MAF: variants seen among roughly 807,000 people sequenced by gnomAD.
MAF encodes the protein transcription factor Maf.
Under a neutral mutation model 22.0 loss-of-function variants are expected in MAF, and 10 were observed. The ratio of observed to expected loss-of-function variants is 0.45; its 90% CI spans 0.28 to 0.77. MAF has a LOEUF of 0.77. Among genes scored for constraint, MAF ranks in the 30% least tolerant of loss-of-function variants. The pLI, the probability that MAF is intolerant of heterozygous loss-of-function variation, is 0.12. For missense variants in MAF, 544 were observed against 548.4 expected, an observed-to-expected ratio of 0.99 and a Z score of 0.08; for synonymous variants, 337 against 255.8, an observed-to-expected ratio of 1.32 and a Z score of -3.03.
chr16:79,422,877 G>C, the MAF span, among the ~76,000 whole-genome samples: 2 of 152,168 alleles, frequency 1.3e-5, no homozygotes, highest in Admixed American at 6.5e-5. Context: ...TAAGGTCTCT[G>C]CTGTCATGGA....
chr16:79,393,866 C>T, the MAF span, among the ~76,000 whole-genome samples: 52 of 152,232 alleles, frequency 3.4e-4, no homozygotes, highest in African/African-American at 1.3e-3. Context: ...AAGAAGCAAA[C>T]AGAAGAAGGT....
At chr16:79,447,544 G>A in the MAF span, among the ~76,000 whole-genome samples, 7 of 152,116 alleles carry the variant, frequency 4.6e-5, no homozygotes, top group African/African-American at 1.4e-4. Flanking sequence ...GGCAATAGCT[G>A]CTATAAGTAG....
At chr16:79,245,532 G>A in the MAF span, among the ~76,000 whole-genome samples, 7 of 152,034 alleles carry the variant, frequency 4.6e-5, 1 homozygote, top group African/African-American at 1.2e-4. Flanking sequence ...AGTTAGAATG[G>A]CGATCATTAA....
At chr16:79,422,526 C>T in the MAF span, among the ~76,000 whole-genome samples, 1 of 152,112 alleles carries the variant, frequency 6.6e-6, no homozygotes, top group African/African-American at 2.4e-5. Flanking sequence ...GAGCCTCTTT[C>T]TCTTCATCTT....
At chr16:79,315,713 G>A in the MAF span, among the ~76,000 whole-genome samples, 2 of 152,208 alleles carry the variant, frequency 1.3e-5, no homozygotes, top group Non-Finnish European at 1.5e-5. Context: ...TACTCATATA[G>A]ATGAAGAAGG....
At chr16:79,523,734 T>C in the MAF span, among the ~76,000 whole-genome samples, 16,178 of 152,190 alleles carry the variant, frequency 0.11, 1,054 homozygotes, top group South Asian at 0.17. Context: ...GATGCAGAGA[T>C]TAAATAACTC....
chr16:79,386,061 C>A, the MAF span, among the ~76,000 whole-genome samples: 20 of 152,154 alleles, frequency 1.3e-4, no homozygotes, highest in Non-Finnish European at 2.6e-4. Context: ...AGAAAATAAT[C>A]AAGTAGATAA....
At chr16:79,528,530 T>C in the MAF span, among the ~76,000 whole-genome samples, 1 of 152,126 alleles carries the variant, frequency 6.6e-6, no homozygotes, top group Non-Finnish European at 1.5e-5. Flanking sequence ...AGATTCAGCA[T>C]GAAGGATCTT....
At chr16:79,562,107 C>T in the MAF span, among the ~76,000 whole-genome samples, 1 of 152,150 alleles carries the variant, frequency 6.6e-6, no homozygotes, top group African/African-American at 2.4e-5. Flanking sequence ...CCTTTCCATC[C>T]CTATTCCCTT....
chr16:79,371,307 G>A, the MAF span, among the ~76,000 whole-genome samples: 1 of 152,108 alleles, frequency 6.6e-6, no homozygotes, highest in Non-Finnish European at 1.5e-5. Context: ...GGTCAGATTA[G>A]AAATTGGCAT....
At chr16:79,345,125 G>A in the MAF span, among the ~76,000 whole-genome samples, 2 of 152,240 alleles carry the variant, frequency 1.3e-5, no homozygotes, top group South Asian at 4.2e-4. Flanking sequence ...TACCCTAACC[G>A]TTATTGTTTT....
the MAF span, among the ~76,000 whole-genome samples, chr16:79,435,804 C>T: frequency 2.0e-5 from 3 of 152,144 alleles, no homozygotes; most frequent in African/African-American, 4.8e-5. Context: ...TTCCATACTT[C>T]GTAGCTAAAA....
chr16:79,252,439 G>A, the MAF span, among the ~76,000 whole-genome samples: 1 of 152,222 alleles, frequency 6.6e-6, no homozygotes, highest in East Asian at 1.9e-4. Context: ...TGGCCCATGG[G>A]CTGTCATTTG....
the MAF span, among the ~76,000 whole-genome samples, chr16:79,553,435 T>C: frequency 6.6e-6 from 1 of 152,220 alleles, no homozygotes; most frequent in Non-Finnish European, 1.5e-5. Context: ...CCTCTCCTGT[T>C]ACAGATGCCT....
the MAF span, among the ~76,000 whole-genome samples, chr16:79,317,345 TCTC>T: frequency 2.1e-5 from 3 of 142,376 alleles, no homozygotes; most frequent in Admixed American, 7.0e-5. Context: ...TTTCCTTTCT[TCTC>T]CTTCCTTCTT....
At chr16:79,349,268 A>T in the MAF span, among the ~76,000 whole-genome samples, 1 of 152,160 alleles carries the variant, frequency 6.6e-6, no homozygotes, top group Non-Finnish European at 1.5e-5. Flanking sequence ...CCTACTCATA[A>T]TGCCCAGGTC....
chr16:79,204,150 G>C, the MAF span: 1 of 152,038 alleles, frequency 6.6e-6, no homozygotes, highest in African/African-American at 2.4e-5. Flanking sequence ...ACCCCAATGC[G>C]ATGTTTCATC....
the MAF span, among the ~76,000 whole-genome samples, chr16:79,447,270 G>A: frequency 6.7e-6 from 1 of 150,240 alleles, no homozygotes; most frequent in Non-Finnish European, 1.5e-5. Context: ...CTGGATGACA[G>A]CACATCTGAT....
the MAF span, among the ~76,000 whole-genome samples, chr16:79,265,878 G>A: frequency 2.0e-5 from 3 of 152,188 alleles, no homozygotes; most frequent in Non-Finnish European, 4.4e-5. Context: ...ACTGTGATAC[G>A]CAGCAGTCGA....
Sources: gnomAD v4.1 joint callset for allele counts (sites outside exome capture counted in the v4.1 genomes callset) on GRCh38, gnomAD v4.1.1 for gene constraint, MANE v1.5 for transcripts, NCBI Gene and HGNC (gene_info 2026-07-23, HGNC 2026-07-21) for gene names.